SNX32: variants seen among roughly 807,000 people sequenced by gnomAD.
The protein encoded by SNX32 is sorting nexin 32.
SNX32 carries 58 observed loss-of-function variants against 57.0 expected under a neutral mutation model. The observed-to-expected ratio is 1.02, with a 90% CI of 0.82 to 1.27. The LOEUF is 1.27. SNX32 is among the 50% of genes most tolerant of loss of function. SNX32 has a pLI of 0.00. For synonymous variants in SNX32, 262 were observed against 220.4 expected, an observed-to-expected ratio of 1.19 and a Z score of -1.67; for missense variants, 589 against 541.2, an observed-to-expected ratio of 1.09 and a Z score of -0.88.
intron 1 of SNX32, among the ~76,000 whole-genome samples, chr11:65,836,605 G>A (rs560377411): frequency 6.9e-4 from 105 of 152,166 alleles, no homozygotes; most frequent in African/African-American, 2.5e-3. Flanking sequence ...ACATGCACAC[G>A]TGTTTGTTGC....
At position 65,852,505 on chromosome 11, in the gene SNX32, T is replaced by C. The variant is rs1859232817; in HGVS notation, c.866T>C (p.Leu289Pro). The change falls in exon 10 of 13, where the codon CTG becomes CCG. Residue 289 changes from leucine to proline, a missense_variant. Leu to Pro is a moderately conservative substitution (Grantham distance 98). Coordinates refer to ENST00000308342, the MANE Select transcript of SNX32 (RefSeq NM_152760.3). ...GTGGCTTCCGATGAGGACCTGAAGC[T>C]GTCAGACATGCTGAGGTACTACATG... ...GRVASDEDLK[L>P]SDMLRYYMRD... 1 of 1,614,220 alleles carries C rather than the reference T, an allele frequency of 6.2e-7. No homozygotes were observed. Among genetic ancestry groups the C allele is most frequent in the African/African-American group, 1.3e-5 (1 of 75,066 alleles).
At chr11:65,851,034 G>C (rs1245984411) in intron 6 of SNX32, 21 bp from the exon 7 acceptor site, 1 of 1,603,120 alleles carries the variant, frequency 6.2e-7, no homozygotes, top group East Asian at 2.2e-5. Flanking sequence ...GTGTAAATGG[G>C]GTCCTGCCTG....
chr11:65,842,414 C>T lies in SNX32; in HGVS notation c.37-7064C>T, dbSNP rs543405748. On this transcript the variant is annotated intron_variant, in intron 1 of 12. Coordinates refer to ENST00000308342, the MANE Select transcript of SNX32 (RefSeq NM_152760.3). ...CTGTAATTCCAGCACTTTAGGAGGC[C>T]GAGGCTCAGGTGGATCAACTGAGGT... is the stretch of plus-strand genomic sequence containing the variant. 3.3e-5 allele frequency among the ~76,000 whole-genome samples: 5 copies of T among 152,216 alleles called. No individual in the cohort carries two copies. The East Asian group carries it at 5.8e-4, about 18-fold the overall frequency.
chr11:65,850,671 C>T (rs1859152441), intron 5 of SNX32, 80 bp from the exon 6 acceptor site: 2 of 1,575,738 alleles, frequency 1.3e-6, no homozygotes, highest in Non-Finnish European at 1.7e-6. Context: ...TCCTGTGTCA[C>T]AGCTCCGTGA....
chr11:65,850,543 T>C lies in SNX32; in HGVS notation c.487T>C (p.Tyr163His), dbSNP rs770855532. Reference protein sequence around the residue: ...RDHNFFVFLEYGQDLSVRGKN... With the variant: ...RDHNFFVFLEHGQDLSVRGKN... ...CCACAACTTCTTTGTGTTTTTGGAA[T>C]ATGGACAGGATGTGAGCTGGGCCGA... The change falls in exon 5 of 13, where the codon TAT (tyrosine) becomes CAT (histidine). Residue 163 changes from tyrosine to histidine, a missense_variant. Physicochemically the swap from Tyr to His is moderately conservative, Grantham distance 83 (BLOSUM62 2). Transcript: ENST00000308342. 2 of 1,609,566 alleles carry C rather than the reference T, an allele frequency of 1.2e-6. No individual in the cohort carries two copies. The highest frequency in any genetic ancestry group is 1.3e-5 in the African/African-American group (1 of 74,928).
rs1365093698 is a variant in SNX32 at position 65,847,005 on chromosome 11, G to GT, written c.37-2465dup. Among the ~76,000 whole-genome samples the GT allele has an allele frequency of 6.4e-4, 20 of 31,200 alleles. No individual in the cohort carries two copies. In the South Asian group the frequency reaches 0.014, roughly 21 times the overall value. 20.5% of individuals were successfully genotyped at this position (31,200 alleles called of 152,430 possible). Reference sequence around the variant, plus strand: ...TTTCAAAAAAAAAAATTTAGCTTTAGTTTTTTTTGTTTTTTTTTTTTAGAC... The same window carrying GT: ...TTTCAAAAAAAAAAATTTAGCTTTAGTTTTTTTTTGTTTTTTTTTTTTAGAC... On this transcript the variant is annotated intron_variant, in intron 1 of 12. Coordinates refer to ENST00000308342, the MANE Select transcript of SNX32 (RefSeq NM_152760.3).
chr11:65,840,934 T>G (rs1047328436), intron 1 of SNX32, among the ~76,000 whole-genome samples: 1 of 152,088 alleles, frequency 6.6e-6, no homozygotes, highest in Non-Finnish European at 1.5e-5. Flanking sequence ...ATTATGGTTT[T>G]TTTTTCTTTC....
intron 1 of SNX32, among the ~76,000 whole-genome samples, chr11:65,846,197 A>C (rs1647569): frequency 4.6e-5 from 7 of 152,108 alleles, no homozygotes; most frequent in Non-Finnish European, 1.0e-4. Flanking sequence ...CATAAGCCTG[A>C]GTGGTAGAGG....
intron 1 of SNX32, among the ~76,000 whole-genome samples, chr11:65,835,003 G>A (rs1858626228): frequency 6.6e-6 from 1 of 150,504 alleles, no homozygotes. Flanking sequence ...CTGTGTGTGT[G>A]TTTCTCTGTG....
At chr11:65,840,494 C>G (rs1858812164) in intron 1 of SNX32, among the ~76,000 whole-genome samples, 3 of 152,092 alleles carry the variant, frequency 2.0e-5, no homozygotes, top group Admixed American at 2.0e-4. Flanking sequence ...GATTATAGGA[C>G]TGTATATGCA....
rs757215607 is a variant in SNX32, at chr11:65,852,646, G to A, written c.929G>A (p.Arg310Gln). The A allele has an allele frequency of 4.2e-5, 68 of 1,606,496 alleles. No homozygotes were observed. The East Asian group carries it at 4.3e-4, about 10-fold the overall frequency. ...TGGTCCTAGGACCTGCTGTACCGGC[G>A]GCTGCGGGCACTGGCCGACTACGAG... ...SQAAKDLLYR[R>Q]LRALADYENA... is the part of the protein sequence containing the mutation. The change falls in exon 11 of 13, where the codon CGG becomes CAG. Residue 310 changes from arginine to glutamine, a missense_variant. Physicochemically the swap from Arg to Gln is conservative, Grantham distance 43. Coordinates refer to ENST00000308342, the MANE Select transcript of SNX32 (RefSeq NM_152760.3).
chr11:65,837,374 T>C (rs540403268), intron 1 of SNX32, among the ~76,000 whole-genome samples: 5 of 152,264 alleles, frequency 3.3e-5, no homozygotes, highest in Admixed American at 1.3e-4. Flanking sequence ...GAGCTGGGCA[T>C]AGTGATGCAC....
chr11:65,844,501 G>A (rs1299512236), intron 1 of SNX32, among the ~76,000 whole-genome samples: 1 of 152,028 alleles, frequency 6.6e-6, no homozygotes, highest in East Asian at 1.9e-4. Flanking sequence ...CTGTGGCAAA[G>A]ATGTAGTACA....
intron 10 of SNX32, 36 bp from the exon 11 acceptor site, chr11:65,852,594 G>C (rs768168830): frequency 1.1e-5 from 17 of 1,613,756 alleles, no homozygotes; most frequent in Admixed American, 8.3e-5. Flanking sequence ...CGGATGCCAG[G>C]ACAGGGCAGC....
rs1859201770 is a variant in SNX32, at chr11:65,851,660, AGCTCTTTGAACG to A, written c.810_821del (p.Phe271_Leu274del). 6.2e-7 allele frequency: 1 copy of A among 1,613,914 alleles called. No individual in the cohort carries two copies. The highest frequency in any genetic ancestry group is 8.5e-7 in the Non-Finnish European group (1 of 1,179,988). Reference sequence around the variant, plus strand: ...CCTAGGAGCTTCCTCAAATTGGCAGAGCTCTTTGAACGGCTGAGGGTGAGTACTGCCTTCTGT... The same window carrying A: ...CCTAGGAGCTTCCTCAAATTGGCAGAGCTGAGGGTGAGTACTGCCTTCTGT... On this transcript the variant is annotated inframe_deletion, in exon 9 of 13. Transcript: ENST00000308342.
chr11:65,850,426 C>G lies in SNX32; in HGVS notation c.375-5C>G. 1 of 1,614,148 alleles carries G rather than the reference C, an allele frequency of 6.2e-7. No individual in the cohort carries two copies. The stretch of plus-strand genomic sequence containing the variant: ...AGGGCCGGTGAGCTGCTGCCACTCT[C>G]GCAGGGAGTACCTGGCCATCTTTAA... On this transcript the variant is annotated splice_region_variant and splice_polypyrimidine_tract_variant and intron_variant, in intron 4 of 12. Coordinates refer to ENST00000308342, the MANE Select transcript of SNX32 (RefSeq NM_152760.3).
chr11:65,851,321 C>T lies in SNX32; in HGVS notation c.710-7C>T, dbSNP rs773296132. On this transcript the variant is annotated splice_polypyrimidine_tract_variant and splice_region_variant and intron_variant, in intron 7 of 12. Transcript: ENST00000308342. ...TAGGGGCTCTGATGGGGGCTGTTCC[C>T]CAACAGGCCTGGCAGACGATTATAT... The T allele has an allele frequency of 6.2e-7, 1 of 1,614,044 alleles. No individual in the cohort carries two copies. Among genetic ancestry groups the T allele is most frequent in the Admixed American group, 1.7e-5 (1 of 60,014 alleles).
intron 1 of SNX32, among the ~76,000 whole-genome samples, chr11:65,844,411 A>G (rs1471798130): frequency 6.7e-6 from 1 of 149,854 alleles, no homozygotes; most frequent in Non-Finnish European, 1.5e-5. Context: ...GCCAGCCTGG[A>G]CAACATTAGC....
chr11:65,848,972 C>T (rs473661), intron 1 of SNX32, among the ~76,000 whole-genome samples: 142,733 of 152,080 alleles, frequency 0.94, 67,191 homozygotes, highest in South Asian at 1. Context: ...AGTGAAACCC[C>T]GTCTCTACTA....
Sources: gnomAD v4.1 joint callset for allele counts (sites outside exome capture counted in the v4.1 genomes callset) on GRCh38, gnomAD v4.1.1 for gene constraint, MANE v1.5 for transcripts, NCBI Gene and HGNC (gene_info 2026-07-23, HGNC 2026-07-21) for gene names.